The following TCF12 variants were observed in gnomAD, a reference collection of about 807,000 sequenced individuals.
TCF12 encodes the protein DNA-binding protein HTF4.
A neutral mutation model predicts 86.0 loss-of-function variants in TCF12; 45 were observed. That is an observed-to-expected ratio of 0.52 (90% confidence interval 0.41 to 0.67). The LOEUF is 0.67. Ranked by LOEUF, TCF12 falls within the 30% of genes least tolerant of loss-of-function variation. TCF12 has a pLI of 0.00. For synonymous variants in TCF12, 330 were observed against 299.6 expected (o/e 1.10, Z -1.05); for missense variants, 881 against 859.9 (o/e 1.02, Z -0.31).
intron 5 of TCF12, among the ~76,000 whole-genome samples, chr15:57,158,111 GA>G (rs1282592523): frequency 6.6e-6 from 1 of 151,824 alleles, no homozygotes; most frequent in East Asian, 1.9e-4. Flanking sequence ...AGAGCATGAG[GA>G]AGGGTAGTTG....
intron 4 of TCF12, among the ~76,000 whole-genome samples, chr15:57,076,870 T>G (rs1161388014): frequency 6.6e-6 from 1 of 152,120 alleles, no homozygotes; most frequent in Non-Finnish European, 1.5e-5. Flanking sequence ...TTTTTTTTCA[T>G]AAGGCTGTCC....
At chr15:57,235,449 G>C (rs957893506) in intron 12 of TCF12, among the ~76,000 whole-genome samples, 22 of 152,184 alleles carry the variant, frequency 1.4e-4, no homozygotes, top group African/African-American at 4.6e-4. Flanking sequence ...ACCCTGATCA[G>C]ACCAGCTTCA....
In TCF12 at chr15:57,096,942, C is replaced by G. The variant is rs573484225; in HGVS notation, c.325+5051C>G. ...TCCCATTGCTGCTGGAATCTCTTTG[C>G]TTAACTCCACTTTCTGTATCTCAGA... On this transcript the variant is annotated intron_variant, in intron 5 of 20. Coordinates refer to ENST00000333725, the MANE Select transcript of TCF12 (RefSeq NM_207037.2). 7.9e-5 allele frequency among the ~76,000 whole-genome samples: 12 copies of G among 152,254 alleles called. No individual in the cohort carries two copies. In the East Asian group the frequency reaches 2.1e-3, roughly 27 times the overall value.
chr15:56,926,038 G>A (rs1430406571), intron 3 of TCF12, among the ~76,000 whole-genome samples: 1 of 152,206 alleles, frequency 6.6e-6, no homozygotes, highest in African/African-American at 2.4e-5. Context: ...TTTCGTTGGC[G>A]TGGTGGCTCA....
At chr15:57,247,982 C>T (rs2059937864) in intron 13 of TCF12, 1 of 726,270 alleles carries the variant, frequency 1.4e-6, no homozygotes, top group African/African-American at 1.7e-5. Context: ...CCCTTCTCCC[C>T]CACCACCCCA....
At chr15:57,007,008 A>G (rs1444121846) in intron 3 of TCF12, among the ~76,000 whole-genome samples, 5 of 152,216 alleles carry the variant, frequency 3.3e-5, no homozygotes, top group African/African-American at 1.2e-4. Context: ...AGATTTTTTT[A>G]GGTAAGTACT....
At chr15:56,920,240 C>T (rs1474975933) in intron 2 of TCF12, among the ~76,000 whole-genome samples, 1 of 152,014 alleles carries the variant, frequency 6.6e-6, no homozygotes, top group Non-Finnish European at 1.5e-5. Context: ...TTGATTTAAC[C>T]AGTTAAAAGG....
chr15:57,253,213 C>CT (rs2060198557), intron 15 of TCF12, 49 bp from the exon 16 acceptor site: 6 of 1,599,874 alleles, frequency 3.8e-6, no homozygotes, highest in Admixed American at 3.3e-5. Flanking sequence ...GTTAATGAAT[C>CT]TAACAGATGC....
At chr15:57,145,491 A>T (rs1298934189) in intron 5 of TCF12, among the ~76,000 whole-genome samples, 1 of 152,204 alleles carries the variant, frequency 6.6e-6, no homozygotes, top group African/African-American at 2.4e-5. Context: ...ATATGTAAAA[A>T]AAAAATGTGT....
At chr15:57,235,119 G>C (rs1327209568) in intron 12 of TCF12, among the ~76,000 whole-genome samples, 1 of 152,166 alleles carries the variant, frequency 6.6e-6, no homozygotes, top group Non-Finnish European at 1.5e-5. Context: ...TTACTACATA[G>C]TAGAGATGGA....
intron 3 of TCF12, among the ~76,000 whole-genome samples, chr15:56,927,876 T>G (rs2065664743): frequency 6.6e-6 from 1 of 152,186 alleles, no homozygotes; most frequent in African/African-American, 2.4e-5. Context: ...ATACAAAATT[T>G]TATTAGTATG....
intron 5 of TCF12, among the ~76,000 whole-genome samples, chr15:57,152,641 AT>A (rs1410198910): frequency 2.0e-5 from 3 of 152,208 alleles, no homozygotes; most frequent in African/African-American, 7.2e-5. Flanking sequence ...AGTATAAATT[AT>A]CCAAACTAAA....
chr15:57,254,857 CAAAAA>C (rs777934020), intron 16 of TCF12, among the ~76,000 whole-genome samples: 1 of 102,602 alleles, frequency 9.7e-6, no homozygotes, highest in Non-Finnish European at 1.8e-5. Flanking sequence ...GACCCTGTCT[CAAAAA>C]AAAAAAAAAA....
chr15:57,098,395 C>T (rs775449772), intron 5 of TCF12, among the ~76,000 whole-genome samples: 21 of 152,128 alleles, frequency 1.4e-4, no homozygotes, highest in Non-Finnish European at 2.5e-4. Flanking sequence ...CTCTCATTAA[C>T]CAGTCTGAGT....
chr15:57,278,093 G>C (rs1175453456), intron 19 of TCF12, among the ~76,000 whole-genome samples: 1 of 152,042 alleles, frequency 6.6e-6, no homozygotes, highest in Non-Finnish European at 1.5e-5. Flanking sequence ...CAGCCTCCCA[G>C]GTAGCTGGAA....
chr15:57,150,708 T>C, intron 5 of TCF12, among the ~76,000 whole-genome samples: 1 of 152,158 alleles, frequency 6.6e-6, no homozygotes, highest in Non-Finnish European at 1.5e-5. Flanking sequence ...AGAGATGATG[T>C]AATCAAGCAA....
chr15:56,965,279 G>A (rs747059463), intron 3 of TCF12, among the ~76,000 whole-genome samples: 19 of 152,008 alleles, frequency 1.2e-4, no homozygotes, highest in Non-Finnish European at 2.6e-4. Context: ...GGTAAAAATG[G>A]CAAGGAAAGT....
chr15:57,243,487 C>T lies in TCF12; in HGVS notation c.1051C>T (p.His351Tyr), dbSNP rs750328916. 3 of 1,613,798 alleles carry T rather than the reference C, an allele frequency of 1.9e-6. No individual in the cohort carries two copies. The Admixed American group carries it at 5.0e-5, about 27-fold the overall frequency. ...TTCTGGTTAGATTTATTCTCCTGAC[C>T]ATACCAGCAGTAGTTTTCCGTCAAA... ...KALASIYSPD[H>Y]TSSSFPSNPS... The change falls in exon 13 of 21, where the codon CAT becomes TAT. Residue 351 changes from histidine (H) to tyrosine (Y), a missense_variant. By Grantham distance (83) the His-to-Tyr change is moderately conservative (BLOSUM62 2). Around this residue, in one of 3 missense-constraint regions of TCF12, gnomAD observed 766 missense variants for 718.9 expected, o/e 1.07. Coordinates refer to ENST00000333725, the MANE Select transcript of TCF12 (RefSeq NM_207037.2).
At chr15:57,003,201 G>C (rs577225643) in intron 3 of TCF12, among the ~76,000 whole-genome samples, 2 of 152,260 alleles carry the variant, frequency 1.3e-5, no homozygotes, top group African/African-American at 4.8e-5. Flanking sequence ...TCTCAGTCAA[G>C]GTAGTATGGT....
Sources: gnomAD v4.1 joint callset for allele counts (sites outside exome capture counted in the v4.1 genomes callset) on GRCh38, gnomAD v4.1.1 for gene constraint, gnomAD v4.1.1 regional missense constraint, MANE v1.5 for transcripts, NCBI Gene and HGNC (gene_info 2026-07-23, HGNC 2026-07-21) for gene names.